MARCHF1: variants seen among roughly 807,000 people sequenced by gnomAD.
The protein encoded by MARCHF1 is membrane associated ring-CH-type finger 1, also known as E3 ubiquitin-protein ligase MARCHF1.
In MARCHF1, 40 loss-of-function variants were observed where a neutral mutation model predicts 54.2. That is an observed-to-expected ratio of 0.74 (90% confidence interval 0.57 to 0.96). MARCHF1 has a LOEUF of 0.96. MARCHF1 is among the 40% of genes least tolerant of loss of function. MARCHF1 has a pLI of 0.00. For missense variants in MARCHF1, 586 were observed against 656.5 expected, an observed-to-expected ratio of 0.89 and a Z score of 1.17; for synonymous variants, 236 against 236.3, an observed-to-expected ratio of 1.00 and a Z score of 0.01.
chr4:163,881,976 TAA>T (rs1750427799), intron 3 of MARCHF1, among the ~76,000 whole-genome samples: 1 of 152,192 alleles, frequency 6.6e-6, no homozygotes, highest in South Asian at 2.1e-4. Flanking sequence ...AATAAAATCA[TAA>T]AGTTCTTTGT....
At chr4:163,711,822 G>T (rs1297606486) in intron 4 of MARCHF1, among the ~76,000 whole-genome samples, 1 of 152,038 alleles carries the variant, frequency 6.6e-6, no homozygotes, top group Non-Finnish European at 1.5e-5. Flanking sequence ...ATTGCAAATT[G>T]ACTATTAACT....
intron 2 of MARCHF1, among the ~76,000 whole-genome samples, chr4:164,020,783 T>C (rs562157908): frequency 5.3e-5 from 8 of 152,152 alleles, no homozygotes; most frequent in African/African-American, 1.9e-4. Flanking sequence ...ATACAAAACT[T>C]AGCCACACAT....
chr4:164,101,742 A>T (rs1226471151), intron 2 of MARCHF1, among the ~76,000 whole-genome samples: 1 of 145,358 alleles, frequency 6.9e-6, no homozygotes, highest in Non-Finnish European at 1.5e-5. Context: ...CCTCACCAGC[A>T]AGGGAACAAA....
intron 4 of MARCHF1, among the ~76,000 whole-genome samples, chr4:163,823,556 A>C (rs930145741): frequency 6.6e-6 from 1 of 151,820 alleles, no homozygotes; most frequent in African/African-American, 2.4e-5. Flanking sequence ...CAATTTCCTA[A>C]CCAAATTCAG....
At chr4:163,718,620 C>T (rs1579222899) in intron 4 of MARCHF1, among the ~76,000 whole-genome samples, 2 of 152,150 alleles carry the variant, frequency 1.3e-5, no homozygotes, top group African/African-American at 4.8e-5. Flanking sequence ...TCAGCCATTT[C>T]AGGAACATAT....
rs896826429 is a variant in MARCHF1, at chr4:163,758,980, G to A, written c.112-58117C>T. Reference sequence around the variant, plus strand: ...ATTACTAGTATTATTAGTTACTAGAGTTCTAGATACTAGAGTTCCCGTTAT... The same window carrying A: ...ATTACTAGTATTATTAGTTACTAGAATTCTAGATACTAGAGTTCCCGTTAT... On this transcript the variant is annotated intron_variant, in intron 4 of 9. Transcript: ENST00000514618. 2.6e-5 allele frequency among the ~76,000 whole-genome samples: 4 copies of A among 152,218 alleles called. No homozygotes were observed. In the East Asian group the frequency reaches 7.7e-4, roughly 29 times the overall value.
At chr4:163,777,111 C>A (rs1747330034) in intron 4 of MARCHF1, among the ~76,000 whole-genome samples, 1 of 152,136 alleles carries the variant, frequency 6.6e-6, no homozygotes, top group Non-Finnish European at 1.5e-5. Flanking sequence ...GCATCTGGGT[C>A]AGGACACTGT....
At chr4:163,572,093 T>C (rs562422242) in intron 8 of MARCHF1, among the ~76,000 whole-genome samples, 1 of 152,190 alleles carries the variant, frequency 6.6e-6, no homozygotes, top group African/African-American at 2.4e-5. Context: ...TAAAAAAATA[T>C]ATAGAGAGTC....
chr4:164,020,882 G>GAT (rs1301609826), intron 2 of MARCHF1, among the ~76,000 whole-genome samples: 2 of 152,194 alleles, frequency 1.3e-5, no homozygotes, highest in Non-Finnish European at 2.9e-5. Flanking sequence ...AGTGAACTGT[G>GAT]ATAGTGCTAC....
chr4:164,250,317 CA>C (rs1184551176), intron 1 of MARCHF1, among the ~76,000 whole-genome samples: 8 of 151,728 alleles, frequency 5.3e-5, no homozygotes, highest in Admixed American at 5.3e-4. Context: ...TGTAGATATT[CA>C]AATTAACTGT....
intron 1 of MARCHF1, among the ~76,000 whole-genome samples, chr4:164,213,077 ATG>A (rs58709997): frequency 3.3e-5 from 5 of 151,734 alleles, no homozygotes; most frequent in African/African-American, 1.2e-4. Context: ...TATATTATAT[ATG>A]TGTGTGTGTG....
Position 164,349,569 on chromosome 4 carries a change from T to C in MARCHF1, c.-323+34301A>G, listed in dbSNP as rs377168652. Reference sequence around the variant, plus strand: ...TATTTGTCCAATATTATAGTTTTCATGTCCTTTTATGGGAATGCTTCTGGA... The same window carrying C: ...TATTTGTCCAATATTATAGTTTTCACGTCCTTTTATGGGAATGCTTCTGGA... On this transcript the variant is annotated intron_variant, in intron 1 of 9. Coordinates refer to ENST00000514618, the MANE Select transcript of MARCHF1 (RefSeq NM_001394959.1). Among the ~76,000 whole-genome samples, 30 of 152,328 alleles carry C rather than the reference T, an allele frequency of 2.0e-4. No homozygotes were observed. In the East Asian group the frequency reaches 5.8e-3, roughly 29 times the overall value.
At chr4:164,134,625 A>T (rs1436111622) in intron 1 of MARCHF1, among the ~76,000 whole-genome samples, 1 of 152,102 alleles carries the variant, frequency 6.6e-6, no homozygotes, top group Non-Finnish European at 1.5e-5. Context: ...AATATTCAAT[A>T]TACTCTGGAA....
Position 164,197,291 on chromosome 4 carries a change from G to C in MARCHF1, c.-322-85629C>G. On this transcript the variant is annotated intron_variant, in intron 1 of 9. Coordinates refer to ENST00000514618, the MANE Select transcript of MARCHF1 (RefSeq NM_001394959.1). ...TTGTGGTCCCAGTAACAGCTGTCGAGATATGTGAGTTGCAGGAGAAGCTTG... is the reference window on the plus strand; with the variant it reads ...TTGTGGTCCCAGTAACAGCTGTCGACATATGTGAGTTGCAGGAGAAGCTTG... 2.5e-6 allele frequency: 4 copies of C among 1,611,784 alleles called. No homozygotes were observed. In the East Asian group the frequency reaches 8.9e-5, roughly 36 times the overall value.
chr4:163,659,037 T>C (rs1278239646), intron 5 of MARCHF1, among the ~76,000 whole-genome samples: 1 of 152,004 alleles, frequency 6.6e-6, no homozygotes, highest in Non-Finnish European at 1.5e-5. Context: ...TTCATAATAG[T>C]ATGCTGTTGT....
intron 1 of MARCHF1, among the ~76,000 whole-genome samples, chr4:164,276,578 A>G (rs1733888183): frequency 6.6e-6 from 1 of 151,184 alleles, no homozygotes; most frequent in East Asian, 1.9e-4. Context: ...ATGATATAAC[A>G]TAAAGGTGAC....
At chr4:164,236,223 G>A (rs778123546) in intron 1 of MARCHF1, among the ~76,000 whole-genome samples, 1 of 152,020 alleles carries the variant, frequency 6.6e-6, no homozygotes, top group Non-Finnish European at 1.5e-5. Context: ...TTGCTTCTAA[G>A]GGAAATACTG....
At chr4:163,913,214 G>A (rs114683249) in intron 3 of MARCHF1, among the ~76,000 whole-genome samples, 2,590 of 152,252 alleles carry the variant, frequency 0.017, 67 homozygotes, top group African/African-American at 0.058. Context: ...ATGTGTTTGC[G>A]TTTTGTGTGA....
At chr4:163,665,319 T>A (rs945602185) in intron 5 of MARCHF1, among the ~76,000 whole-genome samples, 4 of 152,242 alleles carry the variant, frequency 2.6e-5, no homozygotes, top group Non-Finnish European at 5.9e-5. Flanking sequence ...TGAAGAGAGA[T>A]GCCGAAAATG....
Sources: gnomAD v4.1 joint callset for allele counts (sites outside exome capture counted in the v4.1 genomes callset) on GRCh38, gnomAD v4.1.1 for gene constraint, MANE v1.5 for transcripts, NCBI Gene and HGNC (gene_info 2026-07-23, HGNC 2026-07-21) for gene names.